Variants in LTA4H observed in about 807,000 individuals in gnomAD.
LTA4H encodes the protein leukotriene A4 hydrolase.
A neutral mutation model predicts 89.8 loss-of-function variants in LTA4H; 59 were observed. The ratio of observed to expected loss-of-function variants is 0.66; its 90% CI spans 0.53 to 0.82. LTA4H has a LOEUF of 0.82. Ranked by LOEUF, LTA4H falls within the 40% of genes least tolerant of loss-of-function variation. The pLI is 0.00. For missense variants in LTA4H, 617 were observed against 727.0 expected (o/e 0.85, Z 1.74); for synonymous variants, 227 against 253.1 (o/e 0.90, Z 0.98).
chr12:96,023,492 A>C (rs933634021), intron 4 of LTA4H, among the ~76,000 whole-genome samples: 5 of 152,102 alleles, frequency 3.3e-5, no homozygotes, highest in East Asian at 3.9e-4. Flanking sequence ...TTGGGACTTC[A>C]CGCAGTTATT....
intron 10 of LTA4H, 128 bp from the exon 11 acceptor site, chr12:96,015,822 G>C: frequency 1.6e-6 from 1 of 630,160 alleles, no homozygotes; most frequent in Non-Finnish European, 2.8e-6. Context: ...TACAGTCTAA[G>C]CCGACTCTGG....
At position 96,035,440 on chromosome 12, in the gene LTA4H, C is replaced by A; in HGVS notation, c.80G>T (p.Ser27Ile). ...CRTKHLHLRC[S>I]VDFTRRTLTG... is the part of the protein sequence containing the mutation. ...CAGCGTCCGGCGAGTAAAGTCGACG[C>A]TGCAGCGCAGGTGCAGGTGCTTGGT... The change falls in exon 1 of 19, where the codon AGC becomes ATC. Residue 27 changes from serine (S) to isoleucine (I), a missense_variant. Physicochemically the swap from Ser to Ile is moderately radical, Grantham distance 142 (BLOSUM62 -2). Transcript: ENST00000228740. The A allele has an allele frequency of 6.2e-7, 1 of 1,610,280 alleles. No homozygotes were observed. Among genetic ancestry groups the A allele is most frequent in the African/African-American group, 1.3e-5 (1 of 74,980 alleles).
At position 96,000,979 on chromosome 12, in the gene LTA4H, A is replaced by T. The variant is rs750396558; in HGVS notation, c.*10T>A. On this transcript the variant is annotated 3_prime_UTR_variant, in exon 19 of 19. Coordinates refer to ENST00000228740, the MANE Select transcript of LTA4H (RefSeq NM_000895.3). The stretch of plus-strand genomic sequence containing the variant: ...AAGAGAAATCTCTAAAATCATCAAT[A>T]CGCAGGTCTTTAATCCACTTTTAAG... The T allele has an allele frequency of 6.5e-7, 1 of 1,528,870 alleles. No individual in the cohort carries two copies. The highest frequency in any genetic ancestry group is 1.7e-5 in the Admixed American group (1 of 59,866). 94.7% of individuals were successfully genotyped at this position (1,528,870 alleles called of 1,614,324 possible).
At chr12:96,018,616 C>T (rs964993372) in intron 8 of LTA4H, 147 bp downstream of exon 8, 1 of 454,556 alleles carries the variant, frequency 2.2e-6, no homozygotes, top group Non-Finnish European at 3.7e-6. Context: ...ACAAAGGTTA[C>T]ACGAACAAGA....
upstream of LTA4H, among the ~76,000 whole-genome samples, chr12:96,036,063 G>C (rs1275380511): frequency 6.6e-6 from 1 of 152,204 alleles, no homozygotes; most frequent in Non-Finnish European, 1.5e-5. Context: ...TGTCACGCGG[G>C]AGACCGGGGT....
chr12:96,004,103 G>A, intron 16 of LTA4H, 183 bp from the exon 17 acceptor site: 1 of 380,658 alleles, frequency 2.6e-6, no homozygotes, highest in Non-Finnish European at 4.7e-6. Flanking sequence ...TATTCCAGAT[G>A]AGGATATTCT....
chr12:96,026,000 A>G (rs1950509600), intron 3 of LTA4H, among the ~76,000 whole-genome samples: 1 of 152,136 alleles, frequency 6.6e-6, no homozygotes, highest in Non-Finnish European at 1.5e-5. Context: ...AATCCTAAAC[A>G]TACTTCATTC....
intron 16 of LTA4H, among the ~76,000 whole-genome samples, chr12:96,005,104 C>T (rs908767021): frequency 4.6e-5 from 7 of 152,094 alleles, no homozygotes; most frequent in African/African-American, 1.4e-4. Context: ...CTTTAAAATC[C>T]AGTCATTGGT....
At chr12:96,043,328 A>G (rs1285668978) in exon 1 of LTA4H, 1 of 1,535,574 alleles carries the variant, frequency 6.5e-7, no homozygotes. Flanking sequence ...TAACTGGGAT[A>G]TGCATGGTCG....
intron 12 of LTA4H, 74 bp from the exon 13 acceptor site, chr12:96,013,927 T>C: frequency 2.8e-6 from 2 of 703,254 alleles, no homozygotes; most frequent in Non-Finnish European, 5.1e-6. Flanking sequence ...TGTTTGGCAT[T>C]GTACTATTAA....
Position 96,017,490 on chromosome 12 carries a change from G to A in LTA4H, c.876+67C>T, listed in dbSNP as rs572272886. ...ATATCTTTAACATAAAAATACAAGG[G>A]ATATTTTAAAATCAGTTGACGTAAT... On this transcript the variant is annotated intron_variant, in intron 9 of 18. Coordinates refer to ENST00000228740, the MANE Select transcript of LTA4H (RefSeq NM_000895.3). The A allele has an allele frequency of 3.2e-5, 41 of 1,301,578 alleles. No individual in the cohort carries two copies. The East Asian group carries it at 7.7e-4, about 24-fold the overall frequency. 80.6% of individuals were successfully genotyped at this position (1,301,578 alleles called of 1,614,324 possible).
chr12:96,027,455 T>C lies in LTA4H; in HGVS notation c.400A>G (p.Ser134Gly), dbSNP rs1207644808. ...TSGKEHPYLF[S>G]QCQAIHCRAI... Reference sequence around the variant, plus strand: ...GGAATCCTTTTTACCTGGCACTGACTAAAGAGATATGGGTGTTCCTTCCCA... The same window carrying C: ...GGAATCCTTTTTACCTGGCACTGACCAAAGAGATATGGGTGTTCCTTCCCA... Residue 134 changes from serine to glycine, a missense_variant, in exon 3 of 19, where the codon AGT (serine) becomes GGT (glycine). Physicochemically the swap from Ser to Gly is moderately conservative, Grantham distance 56. Coordinates refer to ENST00000228740, the MANE Select transcript of LTA4H (RefSeq NM_000895.3). The C allele has an allele frequency of 1.9e-6, 3 of 1,603,716 alleles. No individual in the cohort carries two copies. The Admixed American group carries it at 5.2e-5, about 28-fold the overall frequency.
In LTA4H at chr12:96,022,193, G is replaced by A. The variant is rs1381464220; in HGVS notation, c.539C>T (p.Pro180Leu). Residue 180 changes from proline (P) to leucine (L), a missense_variant, in exon 5 of 19, where the codon CCT (proline) becomes CTT (leucine). Transcript: ENST00000228740. This position sits in a 1 kb window ranked among gnomAD's most constrained non-coding sequence, Gnocchi z 4.0. The stretch of plus-strand genomic sequence containing the variant: ...TTTCCTGCTTGGGTCTTCTGGGTCA[G>A]GTGTTTCTCCATCACGAATAGCACT... Reference protein sequence around the residue: ...LMSAIRDGETPDPEDPSRKIY... With the variant: ...LMSAIRDGETLDPEDPSRKIY... 1.2e-6 allele frequency: 2 copies of A among 1,613,830 alleles called. No homozygotes were observed.
At chr12:96,016,967 C>A in intron 10 of LTA4H, 77 bp downstream of exon 10, 1 of 930,790 alleles carries the variant, frequency 1.1e-6, no homozygotes, top group Non-Finnish European at 1.8e-6. Context: ...ACACACAAAA[C>A]AATTCAGAGT....
chr12:96,041,304 G>C (rs1250743201), intron 1 of LTA4H, among the ~76,000 whole-genome samples: 8 of 152,006 alleles, frequency 5.3e-5, no homozygotes, highest in Non-Finnish European at 1.2e-4. Flanking sequence ...TAAGAGTTGA[G>C]AACCCTAATT....
chr12:96,001,934 T>G (rs1170123215), intron 18 of LTA4H, among the ~76,000 whole-genome samples: 1 of 152,084 alleles, frequency 6.6e-6, no homozygotes, highest in East Asian at 1.9e-4. Flanking sequence ...CTCAGCTCAC[T>G]GCAACCTCTG....
chr12:96,005,429 T>C (rs1330268408), intron 16 of LTA4H, among the ~76,000 whole-genome samples: 1 of 152,228 alleles, frequency 6.6e-6, no homozygotes, highest in Admixed American at 6.5e-5. Context: ...TTTTAAAATC[T>C]TTTCCTACTG....
intron 1 of LTA4H, among the ~76,000 whole-genome samples, chr12:96,034,727 T>G (rs1950616982): frequency 6.6e-6 from 1 of 152,202 alleles, no homozygotes; most frequent in Admixed American, 6.5e-5. Flanking sequence ...CTAAGAGGCT[T>G]GAGAACGACT....
intron 16 of LTA4H, 64 bp downstream of exon 16, chr12:96,006,250 G>T (rs1414608829): frequency 2.1e-6 from 2 of 950,888 alleles, no homozygotes; most frequent in Non-Finnish European, 3.2e-6. Context: ...GCCAAGTTGG[G>T]TAGAACATAA....
Sources: allele counts gnomAD v4.1 joint callset (sites outside exome capture counted in the v4.1 genomes callset), GRCh38; gene constraint gnomAD v4.1.1; non-coding constraint Gnocchi (gnomAD v3.1); transcripts MANE v1.5; gene names NCBI Gene and HGNC (gene_info 2026-07-23, HGNC 2026-07-21).